SAMD12: variants seen among roughly 807,000 people sequenced by gnomAD.
SAMD12 encodes the protein sterile alpha motif domain containing 12.
In SAMD12, 9 loss-of-function variants were observed where a neutral mutation model predicts 15.0. That is an observed-to-expected ratio of 0.60 (90% CI 0.36 to 1.05). The LOEUF is 1.05. Ranked by LOEUF, SAMD12 falls within the 50% of genes least tolerant of loss-of-function variation. The pLI, the probability that SAMD12 is intolerant of heterozygous loss-of-function variation, is 0.01. For synonymous variants in SAMD12, 86 were observed against 90.1 expected (o/e 0.96, Z 0.25); for missense variants, 230 against 234.2 (o/e 0.98, Z 0.12).
intron 2 of SAMD12, among the ~76,000 whole-genome samples, chr8:118,453,537 T>A (rs1333730302): frequency 6.6e-6 from 1 of 152,206 alleles, no homozygotes; most frequent in South Asian, 2.1e-4. Context: ...TTATTTATCT[T>A]TGAGACAGGG....
intron 3 of SAMD12, among the ~76,000 whole-genome samples, chr8:118,419,100 T>C: frequency 6.6e-6 from 1 of 152,204 alleles, no homozygotes; most frequent in East Asian, 1.9e-4. Context: ...CTAGTTTGCA[T>C]GTTAACAGCA....
chr8:118,256,971 G>T (rs1422547380), intron 4 of SAMD12, among the ~76,000 whole-genome samples: 1 of 151,894 alleles, frequency 6.6e-6, no homozygotes, highest in African/African-American at 2.4e-5. Flanking sequence ...TTCCTACTAG[G>T]TTACTAATCG....
At chr8:118,576,477 T>C (rs1448878276) in intron 2 of SAMD12, among the ~76,000 whole-genome samples, 2 of 152,198 alleles carry the variant, frequency 1.3e-5, no homozygotes, top group African/African-American at 2.4e-5. Flanking sequence ...TCTGCTGCCA[T>C]ACCTTGGCTC....
At chr8:118,164,234 T>G in the SAMD12 span, among the ~76,000 whole-genome samples, 6 of 152,200 alleles carry the variant, frequency 3.9e-5, no homozygotes, top group Non-Finnish European at 7.3e-5. Context: ...AATTATTATT[T>G]GGAGTCAAAG....
At chr8:118,355,095 T>C (rs1234399794) in intron 4 of SAMD12, among the ~76,000 whole-genome samples, 2 of 152,238 alleles carry the variant, frequency 1.3e-5, no homozygotes, top group African/African-American at 4.8e-5. Context: ...ACATGCATGC[T>C]TAGAGCAGTG....
chr8:118,495,573 A>G (rs1464854679), intron 2 of SAMD12, among the ~76,000 whole-genome samples: 2 of 133,092 alleles, frequency 1.5e-5, no homozygotes, highest in South Asian at 4.6e-4. Context: ...TTTTTACCTT[A>G]TCTCTTTAAT....
chr8:118,432,690 T>G (rs939168581), intron 3 of SAMD12, among the ~76,000 whole-genome samples: 2 of 152,152 alleles, frequency 1.3e-5, no homozygotes, highest in Non-Finnish European at 2.9e-5. Flanking sequence ...AGGTGGTATC[T>G]AAAACTCAAG....
intron 2 of SAMD12, among the ~76,000 whole-genome samples, chr8:118,443,991 A>G (rs1822830666): frequency 6.6e-6 from 1 of 152,204 alleles, no homozygotes; most frequent in Non-Finnish European, 1.5e-5. Context: ...AGAGCTGTCA[A>G]TGCCTTCGAC....
rs1819475554 is a variant in SAMD12 at position 118,378,053 on chromosome 8, T to C, written c.*1364A>G. On this transcript the variant is annotated 3_prime_UTR_variant, in exon 4 of 4. Transcript: ENST00000314727. ...ATTTACTTGCAGTCCTTTTTTTCTGTACATATAAGAATATATGGTTTTTAC... is the reference window on the plus strand; with the variant it reads ...ATTTACTTGCAGTCCTTTTTTTCTGCACATATAAGAATATATGGTTTTTAC... The C allele has an allele frequency of 6.6e-6, 1 of 152,236 alleles. No homozygotes were observed. 9.4% of individuals were successfully genotyped at this position (152,236 alleles called of 1,614,324 possible).
the SAMD12 span, among the ~76,000 whole-genome samples, chr8:118,147,508 G>C: frequency 7.8e-3 from 1,181 of 151,532 alleles, 21 homozygotes; most frequent in African/African-American, 0.027. Context: ...TTACAGGTGT[G>C]TGCCATCTTG....
At chr8:118,311,894 A>G (rs551284498) in intron 4 of SAMD12, among the ~76,000 whole-genome samples, 2 of 152,202 alleles carry the variant, frequency 1.3e-5, no homozygotes, top group South Asian at 4.1e-4. Context: ...AACAGTGTCA[A>G]TTATTGCTGG....
intron 4 of SAMD12, among the ~76,000 whole-genome samples, chr8:118,261,537 G>C (rs1813077293): frequency 6.6e-6 from 1 of 152,042 alleles, no homozygotes; most frequent in Non-Finnish European, 1.5e-5. Flanking sequence ...CCATCTTTTG[G>C]AACATCATTG....
At chr8:118,340,327 C>G (rs1817293040) in intron 4 of SAMD12, among the ~76,000 whole-genome samples, 1 of 126,760 alleles carries the variant, frequency 7.9e-6, no homozygotes, top group Admixed American at 8.2e-5. Flanking sequence ...ACCTTATGCT[C>G]TCTTTACCTT....
intron 2 of SAMD12, among the ~76,000 whole-genome samples, chr8:118,526,381 C>G (rs900322712): frequency 1.6e-4 from 24 of 152,016 alleles, no homozygotes; most frequent in African/African-American, 5.8e-4. Flanking sequence ...ACCTTGCTAC[C>G]GATCAGAATC....
chr8:118,239,443 T>G (rs1459047739), intron 4 of SAMD12, among the ~76,000 whole-genome samples: 1 of 152,104 alleles, frequency 6.6e-6, no homozygotes, highest in Non-Finnish European at 1.5e-5. Flanking sequence ...CCAAGACTCT[T>G]CTATTACTGA....
intron 3 of SAMD12, among the ~76,000 whole-genome samples, chr8:118,384,285 T>C (rs921472259): frequency 2.6e-5 from 4 of 152,170 alleles, no homozygotes; most frequent in Non-Finnish European, 5.9e-5. Flanking sequence ...TTTACTCTTC[T>C]GAATATGGAA....
intron 4 of SAMD12, among the ~76,000 whole-genome samples, chr8:118,302,115 T>C (rs1447471841): frequency 8.1e-6 from 1 of 123,496 alleles, no homozygotes; most frequent in Admixed American, 1.0e-4. Context: ...CTGGAGCAGA[T>C]TAAAAGAGCA....
intron 1 of SAMD12, among the ~76,000 whole-genome samples, chr8:118,584,080 T>C (rs1170823223): frequency 6.6e-6 from 1 of 152,186 alleles, no homozygotes; most frequent in Non-Finnish European, 1.5e-5. Context: ...GCATTCAAAA[T>C]GTAAGGTATC....
chr8:118,413,312 G>T (rs1167577604), intron 3 of SAMD12, among the ~76,000 whole-genome samples: 3 of 152,146 alleles, frequency 2.0e-5, no homozygotes, highest in Non-Finnish European at 4.4e-5. Flanking sequence ...GATTTTTATT[G>T]CAAGGTGCTT....
Sources: gnomAD v4.1 joint callset for allele counts (sites outside exome capture counted in the v4.1 genomes callset) on GRCh38, gnomAD v4.1.1 for gene constraint, MANE v1.5 for transcripts, NCBI Gene and HGNC (gene_info 2026-07-23, HGNC 2026-07-21) for gene names.